The following REPS2 variants were observed in gnomAD, a reference collection of about 807,000 sequenced individuals.
The protein encoded by REPS2 is ralBP1-associated Eps domain-containing protein 2.
Under a neutral mutation model 53.6 loss-of-function variants are expected in REPS2, and 23 were observed. The observed-to-expected ratio is 0.43, with a 90% CI of 0.31 to 0.61. REPS2 has a LOEUF of 0.61. Ranked by LOEUF, REPS2 falls within the 20% of genes least tolerant of loss-of-function variation. The pLI is 0.11. For synonymous variants in REPS2, 238 were observed against 218.6 expected, an observed-to-expected ratio of 1.09 and a Z score of -0.78; for missense variants, 446 against 534.9, an observed-to-expected ratio of 0.83 and a Z score of 1.64.
chrX:17,051,263 A>G (rs192805163), intron 6 of REPS2, among the ~76,000 whole-genome samples: 17 of 111,585 alleles, frequency 1.5e-4, no homozygotes, highest in Admixed American at 7.6e-4. Context: ...TCATCTGTCA[A>G]TGGACACATA....
chrX:16,953,857 G>A (rs2060556363), intron 1 of REPS2, among the ~76,000 whole-genome samples: 1 of 112,180 alleles, frequency 8.9e-6, no homozygotes, highest in Non-Finnish European at 1.9e-5. Flanking sequence ...TGAAAATTAA[G>A]AACACCTTCA....
intron 2 of REPS2, among the ~76,000 whole-genome samples, chrX:17,018,720 A>G (rs2061533166): frequency 9.2e-6 from 1 of 108,757 alleles, no homozygotes; most frequent in Admixed American, 9.9e-5. Context: ...CCTCCACTCC[A>G]TATTGTCTAG....
intron 13 of REPS2, among the ~76,000 whole-genome samples, chrX:17,093,190 AT>A (rs1569171947): frequency 0.012 from 161 of 13,803 alleles, 7 homozygotes; most frequent in Middle Eastern, 0.12. Flanking sequence ...ATATATATAT[AT>A]ATATATATAA....
chrX:16,951,552 C>CAA (rs1569083773), intron 1 of REPS2, among the ~76,000 whole-genome samples: 87 of 31,632 alleles, frequency 2.8e-3, no homozygotes, highest in African/African-American at 5.4e-3. Flanking sequence ...CACACACACA[C>CAA]ACACACACCC....
intron 1 of REPS2, among the ~76,000 whole-genome samples, chrX:16,963,857 C>T (rs902518807): frequency 1.8e-5 from 2 of 110,716 alleles, no homozygotes; most frequent in Non-Finnish European, 3.8e-5. Context: ...TAATCAAATC[C>T]GAATTTCTTG....
At chrX:17,055,140 A>G (rs756310280) in intron 8 of REPS2, among the ~76,000 whole-genome samples, 190 bp downstream of exon 8, 41 of 91,969 alleles carry the variant, frequency 4.5e-4, no homozygotes, top group African/African-American at 1.7e-3. Flanking sequence ...TTGGCTGCAT[A>G]AATGTCTTCT....
intron 2 of REPS2, among the ~76,000 whole-genome samples, chrX:17,015,138 A>G (rs1268842602): frequency 8.8e-6 from 1 of 113,119 alleles, no homozygotes; most frequent in African/African-American, 3.2e-5. Flanking sequence ...CTTATCAAAC[A>G]TTGTAGAAAA....
intron 2 of REPS2, among the ~76,000 whole-genome samples, chrX:17,015,171 A>G (rs1044060594): frequency 1.8e-5 from 2 of 112,954 alleles, no homozygotes; most frequent in African/African-American, 6.4e-5. Context: ...TTGTTATTTA[A>G]TATCGTAGCC....
At chrX:16,953,103 AC>A (rs1333733397) in intron 1 of REPS2, among the ~76,000 whole-genome samples, 6 of 5,984 alleles carry the variant, frequency 1.0e-3, no homozygotes, top group African/African-American at 3.0e-3. Flanking sequence ...AAAAACAAAC[AC>A]ACACACACAC....
At chrX:17,137,377 G>T (rs1435396013) in intron 16 of REPS2, 2 of 111,522 alleles carry the variant, frequency 1.8e-5, no homozygotes, top group African/African-American at 6.5e-5. Context: ...TGTGGCTAAC[G>T]ACATTGATCA....
At chrX:17,062,885 T>G (rs1361523706) in intron 9 of REPS2, among the ~76,000 whole-genome samples, 1 of 111,980 alleles carries the variant, frequency 8.9e-6, no homozygotes, top group African/African-American at 3.2e-5. Flanking sequence ...AGTAAACAAT[T>G]TTGATTCTAT....
the REPS2 span, among the ~76,000 whole-genome samples, chrX:17,178,672 G>C: frequency 8.9e-6 from 1 of 111,883 alleles, no homozygotes; most frequent in African/African-American, 3.3e-5. Context: ...GCTCACGCCT[G>C]TAATCCCAGC....
At chrX:16,996,542 C>T (rs1438828575) in intron 1 of REPS2, among the ~76,000 whole-genome samples, 1 of 112,091 alleles carries the variant, frequency 8.9e-6, no homozygotes, top group South Asian at 3.7e-4. Flanking sequence ...GCGAGAGGTG[C>T]ATTTGTTATT....
intron 13 of REPS2, among the ~76,000 whole-genome samples, chrX:17,092,783 T>C (rs1036667922): frequency 9.5e-6 from 1 of 105,273 alleles, no homozygotes; most frequent in Non-Finnish European, 1.9e-5. Flanking sequence ...TTTTCTTTTT[T>C]TTTTCCTTTG....
chrX:16,949,493 T>C (rs2060480446), intron 1 of REPS2, among the ~76,000 whole-genome samples: 1 of 112,444 alleles, frequency 8.9e-6, no homozygotes, highest in East Asian at 2.8e-4. Flanking sequence ...CTGCAACCTC[T>C]GCCTCCCGGG....
At chrX:17,100,091 T>A in intron 13 of REPS2, 1 of 1,034,108 alleles carries the variant, frequency 9.7e-7, no homozygotes, top group Non-Finnish European at 1.4e-6. Context: ...CTGATTTGTC[T>A]ATCTCATGTG....
At chrX:16,970,197 C>CTT (rs764611742) in intron 1 of REPS2, among the ~76,000 whole-genome samples, 3 of 99,023 alleles carry the variant, frequency 3.0e-5, no homozygotes, top group Non-Finnish European at 2.1e-5. Flanking sequence ...TGTTTTCCCA[C>CTT]TTTTTTTTTT....
At chrX:17,034,633 A>G (rs2061745045) in intron 5 of REPS2, among the ~76,000 whole-genome samples, 1 of 112,270 alleles carries the variant, frequency 8.9e-6, no homozygotes, top group Non-Finnish European at 1.9e-5. Context: ...GCTAGATTGC[A>G]CTAGAAAAAA....
rs2060983290 is a variant in REPS2, at chrX:16,978,485, GC to G, written c.274-27733del. ...TGGCTGGTTTCCATGCTCCTTCTGTGCCCTTGTGTTTCCTTTTTTTCTTTTT... is the reference window on the plus strand; with the variant it reads ...TGGCTGGTTTCCATGCTCCTTCTGTGCCTTGTGTTTCCTTTTTTTCTTTTT... On this transcript the variant is annotated intron_variant, in intron 1 of 17. Transcript: ENST00000357277. 1.5e-5 allele frequency: 9 copies of G among 599,412 alleles called. No homozygotes were observed. The South Asian group carries it at 7.7e-4, about 52-fold the overall frequency. 49.4% of individuals were successfully genotyped at this position (599,412 alleles called of 1,213,427 possible).
Sources: gnomAD v4.1 joint callset for allele counts (sites outside exome capture counted in the v4.1 genomes callset) on GRCh38, gnomAD v4.1.1 for gene constraint, MANE v1.5 for transcripts, NCBI Gene and HGNC (gene_info 2026-07-23, HGNC 2026-07-21) for gene names.